The following SEC23B variants were observed in gnomAD, a reference collection of about 807,000 sequenced individuals.
SEC23B encodes the protein SEC23 homolog B, COPII component.
Under a neutral mutation model 104.3 loss-of-function variants are expected in SEC23B, and 77 were observed. That is an observed-to-expected ratio of 0.74 (90% CI 0.61 to 0.89). SEC23B has a LOEUF of 0.89. Ranked by LOEUF, SEC23B falls within the 40% of genes least tolerant of loss-of-function variation. SEC23B has a pLI of 0.00. For synonymous variants in SEC23B, 338 were observed against 332.5 expected, an observed-to-expected ratio of 1.02 and a Z score of -0.18; for missense variants, 885 against 949.4, an observed-to-expected ratio of 0.93 and a Z score of 0.89.
Position 18,554,322 on chromosome 20 carries a change from G to A in SEC23B, c.2080G>A (p.Ala694Thr). 1 of 1,614,186 alleles carries A rather than the reference G, an allele frequency of 6.2e-7. No individual in the cohort carries two copies. Among genetic ancestry groups the A allele is most frequent in the Non-Finnish European group, 8.5e-7 (1 of 1,180,046 alleles). The change falls in exon 18 of 20, where the codon GCT becomes ACT. Residue 694 changes from alanine (A) to threonine (T), a missense_variant. Coordinates refer to ENST00000650089, the MANE Select transcript of SEC23B (RefSeq NM_006363.6). ...CCTTCTGCAGGCACCACTGGATGAT[G>A]CTCAAGAAATTCTGCAAGCACGCTT... ...KHLLQAPLDD[A>T]QEILQARFPM...
At chr20:18,521,171 A>G (rs2060080520) in intron 4 of SEC23B, among the ~76,000 whole-genome samples, 1 of 152,254 alleles carries the variant, frequency 6.6e-6, no homozygotes, top group South Asian at 2.1e-4. Flanking sequence ...GGAGGCAATG[A>G]ATTGCAACTC....
chr20:18,559,884 T>C (rs1243441688), intron 19 of SEC23B, among the ~76,000 whole-genome samples: 1 of 152,126 alleles, frequency 6.6e-6, no homozygotes, highest in Non-Finnish European at 1.5e-5. Flanking sequence ...CAGTTGTACT[T>C]AGTGGGAGGA....
At chr20:18,548,110 C>A (rs558433387) in intron 15 of SEC23B, among the ~76,000 whole-genome samples, 72 of 152,092 alleles carry the variant, frequency 4.7e-4, no homozygotes, top group Non-Finnish European at 9.0e-4. Flanking sequence ...CACCACCACA[C>A]CCGGGTAATT....
In SEC23B at chr20:18,530,774, A is replaced by G; in HGVS notation, c.1204A>G (p.Met402Val). Reference protein sequence around the residue: ...FTKDFNGDFRMAFGATLDVKT... With the variant: ...FTKDFNGDFRVAFGATLDVKT... ...TAAAGATTTTAATGGAGATTTCCGA[A>G]TGGCATTTGGTGCTACTTTGGACGT... Residue 402 changes from methionine to valine, a missense_variant, in exon 10 of 20, where the codon ATG becomes GTG. Coordinates refer to ENST00000650089, the MANE Select transcript of SEC23B (RefSeq NM_006363.6). 1.2e-6 allele frequency: 2 copies of G among 1,612,592 alleles called. No homozygotes were observed. The highest frequency in any genetic ancestry group is 1.7e-6 in the Non-Finnish European group (2 of 1,179,274).
intron 18 of SEC23B, 90 bp downstream of exon 18, chr20:18,554,480 A>T (rs775904842): frequency 2.7e-6 from 4 of 1,468,060 alleles, no homozygotes; most frequent in South Asian, 2.3e-5. Flanking sequence ...TTAATATTTT[A>T]TGTGATGACA....
chr20:18,520,587 G>A (rs1044879764), intron 4 of SEC23B, among the ~76,000 whole-genome samples: 6 of 152,132 alleles, frequency 3.9e-5, no homozygotes, highest in African/African-American at 1.4e-4. Flanking sequence ...GAGCCGGGCA[G>A]GTGAGGATAA....
At position 18,543,114 on chromosome 20, in the gene SEC23B, C is replaced by A. The variant is rs535355543; in HGVS notation, c.1607C>A (p.Ala536Glu). 12 of 1,614,110 alleles carry A rather than the reference C, an allele frequency of 7.4e-6. No homozygotes were observed. Among genetic ancestry groups the A allele is most frequent in the Middle Eastern group, 1.7e-4 (1 of 6,060 alleles). Residue 536 changes from alanine (A) to glutamate (E), a missense_variant, in exon 14 of 20, where the codon GCG (alanine) becomes GAG (glutamate). Transcript: ENST00000650089. ...ATGGCACGGCTTGGGGTGTTCCGAGCGGAGTCAGAGGAGGGGCCCGATGTG... is the reference window on the plus strand; with the variant it reads ...ATGGCACGGCTTGGGGTGTTCCGAGAGGAGTCAGAGGAGGGGCCCGATGTG... Reference protein sequence around the residue: ...VLMARLGVFRAESEEGPDVLR... With the variant: ...VLMARLGVFREESEEGPDVLR...
chr20:18,545,450 A>G lies in SEC23B; in HGVS notation c.1666-506A>G, dbSNP rs1265669027. ...ATTTTGTGGGAAGAAAGTAATTGTT[A>G]GAAATGGGGTTTCTTTAAATGATGA... On this transcript the variant is annotated intron_variant, in intron 14 of 19. Coordinates refer to ENST00000650089, the MANE Select transcript of SEC23B (RefSeq NM_006363.6). Among the ~76,000 whole-genome samples the G allele has an allele frequency of 2.0e-5, 3 of 152,256 alleles. No homozygotes were observed. In the East Asian group the frequency reaches 5.8e-4, roughly 29 times the overall value.
intron 14 of SEC23B, among the ~76,000 whole-genome samples, chr20:18,543,670 C>T (rs1259548794): frequency 6.6e-6 from 1 of 152,170 alleles, no homozygotes; most frequent in Non-Finnish European, 1.5e-5. Context: ...TGGGCAGCCA[C>T]TACTTGTGGG....
intron 4 of SEC23B, among the ~76,000 whole-genome samples, chr20:18,520,954 A>G (rs956276586): frequency 6.6e-6 from 1 of 152,102 alleles, no homozygotes; most frequent in Non-Finnish European, 1.5e-5. Flanking sequence ...TGAGTTGAAC[A>G]GTCCGATTTT....
intron 1 of SEC23B, chr20:18,508,255 G>A (rs1054622542): frequency 3.3e-5 from 5 of 152,230 alleles, no homozygotes; most frequent in African/African-American, 1.2e-4. Flanking sequence ...ACTCAGACAA[G>A]TGAAACGACT....
At chr20:18,516,968 C>A (rs1240276406) in intron 4 of SEC23B, among the ~76,000 whole-genome samples, 1 of 152,026 alleles carries the variant, frequency 6.6e-6, no homozygotes, top group Non-Finnish European at 1.5e-5. Context: ...ATCTGTAGTT[C>A]ACTAGGCAGC....
At chr20:18,526,611 C>A in intron 8 of SEC23B, 80 bp downstream of exon 8, 1 of 1,464,518 alleles carries the variant, frequency 6.8e-7, no homozygotes, top group Non-Finnish European at 9.6e-7. Flanking sequence ...AGCTACTTTG[C>A]CAAGGTCATG....
chr20:18,551,194 T>C lies in SEC23B; in HGVS notation c.1992+19T>C. 7.5e-7 allele frequency: 1 copy of C among 1,330,220 alleles called. No homozygotes were observed. The highest frequency in any genetic ancestry group is 1.1e-6 in the Non-Finnish European group (1 of 936,282). The allele number at this position is 1,330,220 out of a possible 1,614,324, so 82.4% of individuals were successfully genotyped here. On this transcript the variant is annotated intron_variant, in intron 17 of 19. Coordinates refer to ENST00000650089, the MANE Select transcript of SEC23B (RefSeq NM_006363.6). ...TGGTGAGGTAAGATGATATTATTAA[T>C]TAATTAATTTCTTTTTGTTTTTAAA...
At chr20:18,557,420 A>G (rs560378144) in intron 19 of SEC23B, among the ~76,000 whole-genome samples, 1 of 152,140 alleles carries the variant, frequency 6.6e-6, no homozygotes, top group Non-Finnish European at 1.5e-5. Flanking sequence ...GATTATAGGC[A>G]TGAGCCACCA....
intron 15 of SEC23B, among the ~76,000 whole-genome samples, chr20:18,547,893 G>A (rs935948814): frequency 2.0e-5 from 3 of 151,808 alleles, no homozygotes; most frequent in African/African-American, 7.3e-5. Context: ...AACTGTGGAA[G>A]CTTTGACATA....
intron 12 of SEC23B, 46 bp downstream of exon 12, chr20:18,535,788 T>G: frequency 1.4e-6 from 2 of 1,440,278 alleles, no homozygotes; most frequent in Non-Finnish European, 9.8e-7. Flanking sequence ...GTGTCCTGTT[T>G]TGTGATTTAT....
At chr20:18,545,411 C>T (rs6035069) in intron 14 of SEC23B, among the ~76,000 whole-genome samples, 141,721 of 152,272 alleles carry the variant, frequency 0.93, 66,701 homozygotes, top group East Asian at 1. Context: ...ACGAGAACTG[C>T]GGAAGGACAC....
intron 13 of SEC23B, among the ~76,000 whole-genome samples, 154 bp from the exon 14 acceptor site, chr20:18,542,864 TC>T (rs1464274979): frequency 3.3e-5 from 5 of 152,152 alleles, no homozygotes; most frequent in Admixed American, 2.0e-4. Flanking sequence ...GTCTTGAACT[TC>T]TAGGCTCAAG....
Sources: allele counts gnomAD v4.1 joint callset (sites outside exome capture counted in the v4.1 genomes callset), GRCh38; gene constraint gnomAD v4.1.1; transcripts MANE v1.5; gene names NCBI Gene and HGNC (gene_info 2026-07-23, HGNC 2026-07-21).